RYR2: variants seen among roughly 807,000 people sequenced by gnomAD.
RYR2 encodes cardiac muscle ryanodine receptor-calcium release channel.
RYR2 carries 227 observed loss-of-function variants against 601.1 expected under a neutral mutation model. The ratio of observed to expected loss-of-function variants is 0.38; its 90% CI spans 0.34 to 0.42. The LOEUF is 0.42. Among genes scored for constraint, RYR2 ranks in the 10% least tolerant of loss-of-function variants. The probability of loss-of-function intolerance (pLI) is 1.00; values close to 1 mark genes in which losing one functional copy is unlikely to be tolerated. For missense variants in RYR2, 4,646 were observed against 6,156.5 expected (o/e 0.75, Z 8.21); for synonymous variants, 2,223 against 2,175.1 (o/e 1.02, Z -0.61).
At chr1:237,594,904 T>TGG (rs1675683017) in intron 33 of RYR2, among the ~76,000 whole-genome samples, 3 of 52,610 alleles carry the variant, frequency 5.7e-5, no homozygotes, top group African/African-American at 1.3e-4. Flanking sequence ...TTTTTTTTTT[T>TGG]TTTTTTTTTT....
intron 2 of RYR2, among the ~76,000 whole-genome samples, chr1:237,313,404 C>A (rs1272400712): frequency 1.3e-5 from 2 of 151,956 alleles, no homozygotes; most frequent in African/African-American, 4.8e-5. Context: ...AAGGGGGAAG[C>A]AGAGTGAGAT....
chr1:237,803,280 A>T (rs1660186024), intron 98 of RYR2, among the ~76,000 whole-genome samples: 1 of 151,336 alleles, frequency 6.6e-6, no homozygotes, highest in South Asian at 2.1e-4. Context: ...TATGCCCATA[A>T]ATTTTCCTTT....
intron 10 of RYR2, among the ~76,000 whole-genome samples, chr1:237,391,454 G>A (rs79542598): frequency 6.6e-6 from 1 of 152,110 alleles, no homozygotes; most frequent in South Asian, 2.1e-4. Flanking sequence ...ATTGTATGCT[G>A]TTGTTAACGT....
At chr1:237,350,602 AAT>A (rs1177777241) in intron 3 of RYR2, among the ~76,000 whole-genome samples, 1,431 of 36,872 alleles carry the variant, frequency 0.039, 40 homozygotes, top group East Asian at 0.069. Flanking sequence ...AAAAAAAAAA[AAT>A]ATATATATAT....
At chr1:237,682,699 T>A (rs1326401736) in intron 62 of RYR2, among the ~76,000 whole-genome samples, 1 of 152,182 alleles carries the variant, frequency 6.6e-6, no homozygotes, top group Non-Finnish European at 1.5e-5. Flanking sequence ...TCCCCATCAT[T>A]AAATGATGCA....
chr1:237,434,486 C>T (rs1707147000), intron 12 of RYR2, among the ~76,000 whole-genome samples: 1 of 152,084 alleles, frequency 6.6e-6, no homozygotes, highest in Non-Finnish European at 1.5e-5. Context: ...TAGAAATATT[C>T]TTCACTTTCT....
At chr1:237,248,136 G>A (rs1183544827) in intron 1 of RYR2, among the ~76,000 whole-genome samples, 1 of 151,958 alleles carries the variant, frequency 6.6e-6, no homozygotes, top group Non-Finnish European at 1.5e-5. Flanking sequence ...GCCGGGTGTG[G>A]TGGTGCACTC....
chr1:237,600,258 G>C (rs1676352138), intron 34 of RYR2, among the ~76,000 whole-genome samples: 1 of 151,564 alleles, frequency 6.6e-6, no homozygotes, highest in Non-Finnish European at 1.5e-5. Flanking sequence ...CAGACATATA[G>C]ACCAATAAAA....
rs112369844 is a variant in RYR2, at chr1:237,280,286, C to A, written c.168+9670C>A. Reference sequence around the variant, plus strand: ...ATTCACTTCATATATAGTTTATGAACCATCTTAAACAGCAGATACTTGTTT... The same window carrying A: ...ATTCACTTCATATATAGTTTATGAAACATCTTAAACAGCAGATACTTGTTT... On this transcript the variant is annotated intron_variant, in intron 2 of 104. Transcript: ENST00000366574. Among the ~76,000 whole-genome samples, 1,515 of 152,084 alleles carry A rather than the reference C, an allele frequency of 1.0e-2. 26 individuals carry two copies. Among genetic ancestry groups the A allele is most frequent in the African/African-American group, 0.033 (1,362 of 41,494 alleles).
chr1:237,750,930 G>A (rs1278883681), intron 80 of RYR2, among the ~76,000 whole-genome samples: 1 of 152,188 alleles, frequency 6.6e-6, no homozygotes, highest in Admixed American at 6.5e-5. Context: ...AATACTTGGA[G>A]TACAGCTGTT....
intron 28 of RYR2, among the ~76,000 whole-genome samples, chr1:237,568,813 A>G (rs1672359082): frequency 6.6e-6 from 1 of 152,206 alleles, no homozygotes; most frequent in African/African-American, 2.4e-5. Flanking sequence ...TGTCGCAGAA[A>G]AATGATATAT....
At chr1:237,739,699 G>A (rs1010698793) in intron 79 of RYR2, among the ~76,000 whole-genome samples, 8 of 152,226 alleles carry the variant, frequency 5.3e-5, no homozygotes, top group Middle Eastern at 6.8e-3. Context: ...TCTCTCTTCT[G>A]TCTCACCCAT....
chr1:237,344,921 C>T (rs546198747), intron 3 of RYR2, among the ~76,000 whole-genome samples: 2 of 152,220 alleles, frequency 1.3e-5, no homozygotes, highest in Non-Finnish European at 2.9e-5. Flanking sequence ...AGCAGTTCTC[C>T]TGCCTCAGCC....
chr1:237,161,953 G>A (rs1459151850), intron 1 of RYR2, among the ~76,000 whole-genome samples: 1 of 152,154 alleles, frequency 6.6e-6, no homozygotes, highest in Non-Finnish European at 1.5e-5. Context: ...CATTTGTTGA[G>A]CACCTGTTAT....
chr1:237,596,850 A>G (rs1271501176), intron 34 of RYR2, among the ~76,000 whole-genome samples: 2 of 152,220 alleles, frequency 1.3e-5, no homozygotes, highest in Non-Finnish European at 2.9e-5. Flanking sequence ...GAAATGAGAT[A>G]TATTCAATGT....
chr1:237,781,053 C>CT (rs34168790), intron 88 of RYR2, among the ~76,000 whole-genome samples: 38 of 148,768 alleles, frequency 2.6e-4, no homozygotes, highest in Middle Eastern at 3.5e-3. Context: ...GGTACAAATA[C>CT]TTTTTTTTTT....
At chr1:237,389,306 T>C (rs1702187839) in intron 10 of RYR2, among the ~76,000 whole-genome samples, 1 of 152,094 alleles carries the variant, frequency 6.6e-6, no homozygotes, top group Non-Finnish European at 1.5e-5. Flanking sequence ...CCAGAGTGAT[T>C]AGGGGGAAAA....
At chr1:237,731,251 G>A (rs1037045103) in intron 77 of RYR2, among the ~76,000 whole-genome samples, 1 of 152,022 alleles carries the variant, frequency 6.6e-6, no homozygotes, top group Non-Finnish European at 1.5e-5. Context: ...AGTTTCCATG[G>A]CTAAGTCAGT....
chr1:237,654,046 A>G (rs1038611438), intron 51 of RYR2, among the ~76,000 whole-genome samples: 1 of 152,194 alleles, frequency 6.6e-6, no homozygotes, highest in African/African-American at 2.4e-5. Flanking sequence ...AGACACACCC[A>G]GGAACAATAC....
Sources: gnomAD v4.1 joint callset for allele counts (sites outside exome capture counted in the v4.1 genomes callset) on GRCh38, gnomAD v4.1.1 for gene constraint, MANE v1.5 for transcripts, NCBI Gene and HGNC (gene_info 2026-07-23, HGNC 2026-07-21) for gene names.